The following CEP76 variants were observed in gnomAD, a reference collection of about 807,000 sequenced individuals.
CEP76 encodes the protein centrosomal protein of 76 kDa.
A neutral mutation model predicts 83.3 loss-of-function variants in CEP76; 55 were observed. The observed-to-expected ratio is 0.66, with a 90% CI of 0.53 to 0.83. The LOEUF (loss-of-function observed/expected upper bound fraction) is 0.83. Ranked by LOEUF, CEP76 falls within the 40% of genes least tolerant of loss-of-function variation. CEP76 has a pLI of 0.00. For missense variants in CEP76, 694 were observed against 799.5 expected (o/e 0.87, Z 1.59); for synonymous variants, 270 against 274.5 (o/e 0.98, Z 0.16).
At position 12,673,512 on chromosome 18, in the gene CEP76, GA is replaced by G. The variant is rs751437963; in HGVS notation, c.1842-10del. The G allele has an allele frequency of 3.0e-4, 447 of 1,500,176 alleles. No homozygotes were observed. Among genetic ancestry groups the G allele is most frequent in the South Asian group, 1.1e-3 (84 of 79,734 alleles). 92.9% of individuals were successfully genotyped at this position (1,500,176 alleles called of 1,614,324 possible). A position where few individuals can be genotyped will look rare whatever the true frequency, so the allele number is the denominator to read the frequency against. On this transcript the variant is annotated splice_polypyrimidine_tract_variant and intron_variant, in intron 11 of 11. Coordinates refer to ENST00000262127, the MANE Select transcript of CEP76 (RefSeq NM_024899.4). ...CTTCACAGAAAGGAGATCTATTTAA[GA>G]AAAAAAAAATTATTCAATTAAGAAG...
chr18:12,693,370 G>C (rs1250713290), intron 6 of CEP76, among the ~76,000 whole-genome samples: 1 of 151,890 alleles, frequency 6.6e-6, no homozygotes, highest in Admixed American at 6.6e-5. Flanking sequence ...GTTTCAGTGA[G>C]CTATAATCAC....
downstream of CEP76, among the ~76,000 whole-genome samples, chr18:12,669,478 T>A (rs1028315576): frequency 2.0e-5 from 3 of 152,022 alleles, no homozygotes; most frequent in Admixed American, 2.0e-4. Flanking sequence ...AAATTTTTAT[T>A]CAATAGGTTC....
chr18:12,698,891 C>T (rs2040053717), intron 4 of CEP76, 88 bp downstream of exon 4: 1 of 929,592 alleles, frequency 1.1e-6, no homozygotes, highest in African/African-American at 1.7e-5. Context: ...ATAAATCTCT[C>T]CTTACAGAAA....
intron 12 of CEP76, chr18:12,665,033 C>G (rs1030245392): frequency 6.6e-6 from 1 of 151,864 alleles, no homozygotes; most frequent in Non-Finnish European, 1.5e-5. Flanking sequence ...TCCTGTTGCT[C>G]AAAAAAGGTT....
intron 8 of CEP76, 143 bp downstream of exon 8, chr18:12,686,119 G>T: frequency 3.9e-6 from 2 of 513,608 alleles, no homozygotes; most frequent in South Asian, 4.1e-5. Flanking sequence ...ATCTGCAGTT[G>T]GTTGAATCTA....
chr18:12,702,412 G>C, intron 1 of CEP76, 74 bp downstream of exon 1: 1 of 1,192,180 alleles, frequency 8.4e-7, no homozygotes, highest in Non-Finnish European at 1.2e-6. Flanking sequence ...GCCGCTGTCG[G>C]CCCGGGGCCG....
chr18:12,692,801 T>C (rs982806859), intron 6 of CEP76, among the ~76,000 whole-genome samples: 5 of 152,142 alleles, frequency 3.3e-5, no homozygotes, highest in Non-Finnish European at 5.9e-5. Flanking sequence ...TTGACATCTA[T>C]TTAGGATCCA....
chr18:12,673,461 T>C lies in CEP76; in HGVS notation c.1884A>G (p.Gln628=). 6.3e-7 allele frequency: 1 copy of C among 1,589,708 alleles called. No homozygotes were observed. The highest frequency in any genetic ancestry group is 8.5e-7 in the Non-Finnish European group (1 of 1,172,948). Residue 628 remains glutamine (Q), a synonymous_variant, in exon 12 of 12, where the codon CAA becomes CAG. Coordinates refer to ENST00000262127, the MANE Select transcript of CEP76 (RefSeq NM_024899.4). ...CTCGGACACGAACTGCCAGTCGCAC[T>C]TGGTCTCCACGGCAACAGATTATTT... ...CEEIICCRGD[Q]VRLAVRVRVF...
At chr18:12,671,939 G>A (rs954810581), downstream of CEP76, among the ~76,000 whole-genome samples, 1 of 152,012 alleles carries the variant, frequency 6.6e-6, no homozygotes, top group African/African-American at 2.4e-5. Flanking sequence ...TCCTGCCTCA[G>A]TCTCCTGAGT....
chr18:12,700,835 A>G, intron 2 of CEP76, 123 bp downstream of exon 2: 1 of 672,050 alleles, frequency 1.5e-6, no homozygotes, highest in Non-Finnish European at 2.5e-6. Context: ...GGACACTAGT[A>G]AACAGAATGA....
intron 6 of CEP76, among the ~76,000 whole-genome samples, chr18:12,695,009 T>C (rs913493801): frequency 1.3e-5 from 2 of 152,092 alleles, no homozygotes; most frequent in Non-Finnish European, 2.9e-5. Context: ...GCCACCGGCC[T>C]ATCCTGTAAT....
rs190855388 is a variant in CEP76, at chr18:12,696,412, A to G, written c.706+811T>C. On this transcript the variant is annotated intron_variant, in intron 5 of 11. Transcript: ENST00000262127. Reference sequence around the variant, plus strand: ...CAGCTACTTAGCAGGCTGAGCCAGTATAATCGCTTGAACCCAGGAGGCGGG... The same window carrying G: ...CAGCTACTTAGCAGGCTGAGCCAGTGTAATCGCTTGAACCCAGGAGGCGGG... Among the ~76,000 whole-genome samples the G allele has an allele frequency of 2.1e-4, 32 of 152,276 alleles. No homozygotes were observed. The East Asian group carries it at 3.5e-3, about 17-fold the overall frequency.
At chr18:12,666,341 T>G (rs2038802028) in intron 12 of CEP76, among the ~76,000 whole-genome samples, 1 of 151,828 alleles carries the variant, frequency 6.6e-6, no homozygotes, top group South Asian at 2.1e-4. Flanking sequence ...AAATAAAAAA[T>G]TATTATCTTG....
At chr18:12,676,765 G>A (rs4797700) in intron 10 of CEP76, among the ~76,000 whole-genome samples, 121,454 of 152,074 alleles carry the variant, frequency 0.8, 48,940 homozygotes, top group Non-Finnish European at 0.83. Context: ...TTTCCAAAAT[G>A]TATGTTTAAA....
At chr18:12,688,209 C>T (rs1485877136) in intron 7 of CEP76, among the ~76,000 whole-genome samples, 24 of 124,398 alleles carry the variant, frequency 1.9e-4, no homozygotes, top group South Asian at 2.7e-4. Flanking sequence ...CCAGCCTGGG[C>T]GAGAGCGAGA....
chr18:12,680,333 C>T (rs1163678873), intron 9 of CEP76, among the ~76,000 whole-genome samples: 6 of 152,052 alleles, frequency 3.9e-5, no homozygotes, highest in African/African-American at 1.4e-4. Context: ...CAGTGGCTCA[C>T]GCCTGTAATC....
intron 10 of CEP76, among the ~76,000 whole-genome samples, chr18:12,675,546 C>A (rs1157287484): frequency 2.6e-5 from 4 of 152,114 alleles, no homozygotes; most frequent in Admixed American, 1.3e-4. Context: ...ATTTACTGAA[C>A]ATGTACTCTA....
At position 12,691,474 on chromosome 18, in the gene CEP76, C is replaced by T. The variant is rs564175699; in HGVS notation, c.818G>A (p.Arg273His). ...EVVNTQLALERQKTAEKERLF... is the reference protein window; with the variant it reads ...EVVNTQLALEHQKTAEKERLF... The stretch of plus-strand genomic sequence containing the variant: ...TCGCTCTTTCTCTGCAGTTTTCTGA[C>T]GTTCCAAAGCAAGCTTGAAATTGAA... The change falls in exon 7 of 12, where the codon CGT becomes CAT. Residue 273 changes from arginine to histidine, a missense_variant. By Grantham distance (29) the Arg-to-His change is conservative. Transcript: ENST00000262127. 1.1e-5 allele frequency: 18 copies of T among 1,592,474 alleles called. No individual in the cohort carries two copies. Among genetic ancestry groups the T allele is most frequent in the East Asian group, 6.7e-5 (3 of 44,530 alleles).
At position 12,702,522 on chromosome 18, in the gene CEP76, G is replaced by T; in HGVS notation, c.27C>A (p.Ser9=). MSLPPEKA[S]ELKQLIHQQL... is the part of the protein sequence containing the mutation. ...GCTGGTGGATGAGCTGCTTCAGCTC[G>T]GAGGCTTTCTCCGGAGGCAGCGACA... The change falls in exon 1 of 12, where the codon TCC becomes TCA. Residue 9 remains serine, a synonymous_variant. Coordinates refer to ENST00000262127, the MANE Select transcript of CEP76 (RefSeq NM_024899.4). The T allele has an allele frequency of 1.2e-6, 2 of 1,608,876 alleles. No homozygotes were observed. Among genetic ancestry groups the T allele is most frequent in the Non-Finnish European group, 1.7e-6 (2 of 1,178,608 alleles).
Sources: gnomAD v4.1 joint callset for allele counts (sites outside exome capture counted in the v4.1 genomes callset) on GRCh38, gnomAD v4.1.1 for gene constraint, MANE v1.5 for transcripts, NCBI Gene and HGNC (gene_info 2026-07-23, HGNC 2026-07-21) for gene names.